GTF3C1: variants seen among roughly 807,000 people sequenced by gnomAD.
GTF3C1 encodes the protein general transcription factor 3C polypeptide 1.
In GTF3C1, 57 loss-of-function variants were observed where a neutral mutation model predicts 226.7. The observed-to-expected ratio is 0.25, with a 90% confidence interval of 0.20 to 0.31. GTF3C1 has a LOEUF of 0.31. Ranked by LOEUF, GTF3C1 falls within the 10% of genes least tolerant of loss-of-function variation. The probability of loss-of-function intolerance (pLI) is 1.00; values close to 1 mark genes in which losing one functional copy is unlikely to be tolerated. For synonymous variants in GTF3C1, 1,090 were observed against 1,084.8 expected (o/e 1.00, Z -0.09); for missense variants, 2,217 against 2,776.1 (o/e 0.80, Z 4.53).
intron 16 of GTF3C1, among the ~76,000 whole-genome samples, chr16:27,494,318 G>A (rs929543722): frequency 4.6e-5 from 7 of 151,208 alleles, no homozygotes; most frequent in Non-Finnish European, 7.4e-5. Flanking sequence ...GGAGAATGGC[G>A]TGAAACTGGG....
rs771167826 is a variant in GTF3C1 at position 27,493,540 on chromosome 16, T to C, written c.2779-244A>G. ...TGCCCTCATACCCTGCTGGTAGGCA[T>C]AGAAATTGCTAAACCTTTCCCGGGG... On this transcript the variant is annotated intron_variant, in intron 16 of 36. Coordinates refer to ENST00000356183, the MANE Select transcript of GTF3C1 (RefSeq NM_001520.4). Among the ~76,000 whole-genome samples, 4 of 152,118 alleles carry C rather than the reference T, an allele frequency of 2.6e-5. No homozygotes were observed. The East Asian group carries it at 7.7e-4, about 29-fold the overall frequency.
Position 27,495,322 on chromosome 16 carries a change from C to T in GTF3C1, c.2521G>A (p.Val841Ile), listed in dbSNP as rs371787496. 1.7e-5 allele frequency: 27 copies of T among 1,613,660 alleles called. No homozygotes were observed. Among genetic ancestry groups the T allele is most frequent in the Admixed American group, 3.3e-5 (2 of 60,002 alleles). ...TIKQESGRAG[V>I]RPSSSGSAWE... ...GCACTTCCAGAGGAGGACGGCCGGA[C>T]GCCTGCCCTGCCTGACTCCTGCTTT... is the stretch of plus-strand genomic sequence containing the variant. Residue 841 changes from valine to isoleucine, a missense_variant, in exon 15 of 37, where the codon GTC (valine) becomes ATC (isoleucine). This residue lies in a region of GTF3C1 where 353 missense variants were observed against 411.7 expected (regional missense o/e 0.86). Transcript: ENST00000356183.
At chr16:27,505,707 G>A (rs1009732459) in intron 10 of GTF3C1, among the ~76,000 whole-genome samples, 192 bp downstream of exon 10, 10 of 152,220 alleles carry the variant, frequency 6.6e-5, no homozygotes, top group African/African-American at 1.7e-4. Context: ...CAATCTCTGC[G>A]TAGGGCCCAG....
At chr16:27,503,040 G>A in intron 10 of GTF3C1, 45 bp from the exon 11 acceptor site, 1 of 1,537,412 alleles carries the variant, frequency 6.5e-7, no homozygotes, top group South Asian at 1.1e-5. Flanking sequence ...GCTCGGCAAG[G>A]CTTGGGGGCC....
chr16:27,476,685 A>AT, intron 28 of GTF3C1, 141 bp from the exon 29 acceptor site: 1 of 620,252 alleles, frequency 1.6e-6, no homozygotes, highest in Admixed American at 2.6e-5. Context: ...AACACAATAT[A>AT]TGATGGTTTC....
In GTF3C1 at chr16:27,545,199, A is replaced by G. The variant is rs990272947; in HGVS notation, c.431+115T>C. The G allele has an allele frequency of 1.2e-5, 9 of 763,048 alleles. No homozygotes were observed. The African/African-American group carries it at 1.6e-4, about 13-fold the overall frequency. The allele number at this position is 763,048 out of a possible 1,614,324, so 47.3% of individuals were successfully genotyped here. On this transcript the variant is annotated intron_variant, in intron 2 of 36. Transcript: ENST00000356183. The stretch of plus-strand genomic sequence containing the variant: ...GCCATGTTGGCCAGGCTGGTCTTGA[A>G]CTCCTGGCCTCAAGTGATCCACCTG...
intron 13 of GTF3C1, 52 bp from the exon 14 acceptor site, chr16:27,497,873 A>G (rs758223555): frequency 1.4e-6 from 2 of 1,437,684 alleles, no homozygotes; most frequent in East Asian, 4.6e-5. Flanking sequence ...AAGGGCTAAG[A>G]GAAAGGACAG....
At chr16:27,530,414 T>C (rs1476601473) in intron 5 of GTF3C1, among the ~76,000 whole-genome samples, 1 of 152,116 alleles carries the variant, frequency 6.6e-6, no homozygotes, top group Non-Finnish European at 1.5e-5. Flanking sequence ...GGAAGGATGA[T>C]GTAGTCTTGC....
chr16:27,489,557 A>G, intron 20 of GTF3C1, 45 bp downstream of exon 20: 1 of 1,494,604 alleles, frequency 6.7e-7, no homozygotes, highest in Non-Finnish European at 9.1e-7. Context: ...AATGAGCACC[A>G]CCGCAGCCCA....
At chr16:27,490,100 A>G (rs1355897680) in intron 19 of GTF3C1, among the ~76,000 whole-genome samples, 2 of 152,094 alleles carry the variant, frequency 1.3e-5, no homozygotes, top group East Asian at 3.9e-4. Context: ...GCCCCGGGAG[A>G]TGCTGGGGCC....
At chr16:27,538,884 C>T (rs574336280) in intron 2 of GTF3C1, among the ~76,000 whole-genome samples, 2 of 151,922 alleles carry the variant, frequency 1.3e-5, no homozygotes, top group Admixed American at 1.3e-4. Flanking sequence ...TCAGAAAATG[C>T]CAACTAGAGT....
intron 29 of GTF3C1, 49 bp downstream of exon 29, chr16:27,476,402 C>T (rs1268304769): frequency 4.1e-6 from 5 of 1,219,994 alleles, no homozygotes; most frequent in Admixed American, 1.7e-5. Context: ...CGAGCCTGGC[C>T]TCGGAAGGGC....
intron 5 of GTF3C1, among the ~76,000 whole-genome samples, chr16:27,529,787 G>A (rs545554486): frequency 6.6e-6 from 1 of 152,232 alleles, no homozygotes; most frequent in African/African-American, 2.4e-5. Flanking sequence ...TCTTCAGCAG[G>A]GCCCACCCGG....
intron 6 of GTF3C1, among the ~76,000 whole-genome samples, chr16:27,514,421 G>A (rs528003260): frequency 9.9e-5 from 15 of 152,152 alleles, no homozygotes; most frequent in Non-Finnish European, 2.1e-4. Flanking sequence ...ACTATCTGAA[G>A]GCTCGGGCAC....
chr16:27,545,610 G>C, intron 1 of GTF3C1, 87 bp from the exon 2 acceptor site: 1 of 747,550 alleles, frequency 1.3e-6, no homozygotes, highest in East Asian at 2.6e-5. Context: ...ACCTCCAGCA[G>C]AGATCAGAGA....
intron 10 of GTF3C1, among the ~76,000 whole-genome samples, chr16:27,505,584 G>A (rs1166760650): frequency 2.0e-5 from 3 of 152,226 alleles, no homozygotes; most frequent in African/African-American, 2.4e-5. Flanking sequence ...GGGTAAAACT[G>A]GGTAAGAACC....
At chr16:27,508,847 T>C (rs1378060438) in intron 7 of GTF3C1, among the ~76,000 whole-genome samples, 192 bp from the exon 8 acceptor site, 1 of 152,208 alleles carries the variant, frequency 6.6e-6, no homozygotes, top group Non-Finnish European at 1.5e-5. Flanking sequence ...TATACTATAC[T>C]AGGCTAGTAA....
At chr16:27,516,009 T>C (rs1376481768) in intron 6 of GTF3C1, among the ~76,000 whole-genome samples, 1 of 152,236 alleles carries the variant, frequency 6.6e-6, no homozygotes, top group African/African-American at 2.4e-5. Context: ...AGGATGTCAG[T>C]GAGCCCAGGC....
chr16:27,506,062 G>A lies in GTF3C1; in HGVS notation c.1607C>T (p.Pro536Leu), dbSNP rs747294503. The change falls in exon 10 of 37, where the codon CCA becomes CTA. Residue 536 changes from proline to leucine, a missense_variant. Around this residue, in one of 12 missense-constraint regions of GTF3C1, gnomAD observed 173 missense variants for 207.2 expected, o/e 0.83. Coordinates refer to ENST00000356183, the MANE Select transcript of GTF3C1 (RefSeq NM_001520.4). ...HPLKKQPPSF[P>L]GAAEERACQS... ...GCAGGCTCTCTCTTCAGCAGCTCCT[G>A]GGAAGGAGGGCGGCTGCTTTTTCAA... 1 of 1,613,700 alleles carries A rather than the reference G, an allele frequency of 6.2e-7. No homozygotes were observed. Among genetic ancestry groups the A allele is most frequent in the Non-Finnish European group, 8.5e-7 (1 of 1,179,682 alleles).
Sources: gnomAD v4.1 joint callset for allele counts (sites outside exome capture counted in the v4.1 genomes callset) on GRCh38, gnomAD v4.1.1 for gene constraint, gnomAD v4.1.1 regional missense constraint, MANE v1.5 for transcripts, NCBI Gene and HGNC (gene_info 2026-07-23, HGNC 2026-07-21) for gene names.